PPP2R2B: variants seen among roughly 807,000 people sequenced by gnomAD.
PPP2R2B encodes the protein protein phosphatase 2 regulatory subunit Bbeta, also known as serine/threonine-protein phosphatase 2A 55 kDa regulatory subunit B beta isoform.
A neutral mutation model predicts 46.0 loss-of-function variants in PPP2R2B; 5 were observed. The ratio of observed to expected loss-of-function variants is 0.11; its 90% CI spans 0.06 to 0.23. The LOEUF (loss-of-function observed/expected upper bound fraction) is 0.23. PPP2R2B is among the 10% of genes least tolerant of loss of function. The pLI is 1.00. For missense variants in PPP2R2B, 367 were observed against 575.0 expected (o/e 0.64, Z 3.70); for synonymous variants, 215 against 206.7 (o/e 1.04, Z -0.34).
At chr5:146,655,910 T>A (rs1209532711) in intron 5 of PPP2R2B, among the ~76,000 whole-genome samples, 16 of 84,704 alleles carry the variant, frequency 1.9e-4, no homozygotes, top group South Asian at 6.8e-4. Flanking sequence ...AGGTGGGGGG[T>A]AGGGAGGGGA....
chr5:147,071,365 G>T (rs1486037999), intron 2 of PPP2R2B, among the ~76,000 whole-genome samples: 1 of 152,186 alleles, frequency 6.6e-6, no homozygotes, highest in Non-Finnish European at 1.5e-5. Context: ...TAATTGAGCT[G>T]CTGCTAGAAA....
chr5:146,652,705 A>C (rs1465061948), intron 5 of PPP2R2B, among the ~76,000 whole-genome samples: 1 of 152,160 alleles, frequency 6.6e-6, no homozygotes, highest in Non-Finnish European at 1.5e-5. Flanking sequence ...TTGAGACAGA[A>C]GTAGTGAAGG....
chr5:146,699,227 C>T (rs1385493793), intron 3 of PPP2R2B, among the ~76,000 whole-genome samples: 1 of 152,044 alleles, frequency 6.6e-6, no homozygotes, highest in Admixed American at 6.5e-5. Flanking sequence ...AGTGAGAGTG[C>T]TGAACCCTGG....
chr5:146,957,723 C>T (rs187129942), intron 1 of PPP2R2B, among the ~76,000 whole-genome samples: 64 of 152,222 alleles, frequency 4.2e-4, no homozygotes, highest in Non-Finnish European at 1.2e-4. Flanking sequence ...ACATTTGTTG[C>T]AATAACGTTC....
Position 146,951,451 on chromosome 5 carries a change from C to T in PPP2R2B, c.79+104214G>A, listed in dbSNP as rs56376596. On this transcript the variant is annotated intron_variant, in intron 1 of 8. Transcript: ENST00000336640. ...GTGATTTGCTGCACCTATCAACCCA[C>T]CACCTAAGTATTAAGCCCGGTATGC... 1.4e-3 allele frequency among the ~76,000 whole-genome samples: 212 copies of T among 152,036 alleles called. 2 individuals are homozygous for T. The South Asian group carries it at 0.027, about 19-fold the overall frequency.
intron 5 of PPP2R2B, among the ~76,000 whole-genome samples, chr5:146,682,269 C>G (rs1205548729): frequency 6.6e-6 from 1 of 152,152 alleles, no homozygotes; most frequent in Admixed American, 6.5e-5. Context: ...AATTGCTAGT[C>G]TCTAGATGTA....
intron 1 of PPP2R2B, among the ~76,000 whole-genome samples, chr5:147,001,067 G>A (rs1324216307): frequency 1.3e-5 from 2 of 152,110 alleles, no homozygotes; most frequent in Non-Finnish European, 2.9e-5. Context: ...CTAAAGGTTT[G>A]TAAATTCTCC....
At chr5:147,011,080 A>G (rs956488993) in intron 1 of PPP2R2B, among the ~76,000 whole-genome samples, 4 of 152,014 alleles carry the variant, frequency 2.6e-5, no homozygotes, top group Non-Finnish European at 5.9e-5. Flanking sequence ...TGCCTTTCCG[A>G]CTACTGCCCC....
At chr5:146,698,670 G>A (rs1283371807) in intron 3 of PPP2R2B, among the ~76,000 whole-genome samples, 1 of 151,926 alleles carries the variant, frequency 6.6e-6, no homozygotes, top group Non-Finnish European at 1.5e-5. Flanking sequence ...GGACAAAAGA[G>A]GCTCAGATAT....
chr5:146,814,919 T>A (rs2151325522), intron 2 of PPP2R2B, among the ~76,000 whole-genome samples: 1 of 152,334 alleles, frequency 6.6e-6, no homozygotes, highest in South Asian at 2.1e-4. Context: ...GGTCTCTCCT[T>A]CTGTCTTATG....
rs563785885 is a variant in PPP2R2B, at chr5:146,905,406, T to G, written c.79+150259A>C. ...TTGTCTTAAGTTTGAAATTTTTAAATTTTTAAATTTTTATAATAGAGATGG... is the reference window on the plus strand; with the variant it reads ...TTGTCTTAAGTTTGAAATTTTTAAAGTTTTAAATTTTTATAATAGAGATGG... On this transcript the variant is annotated intron_variant, in intron 1 of 8. Coordinates refer to the PPP2R2B transcript ENST00000336640. 3.9e-5 allele frequency among the ~76,000 whole-genome samples: 6 copies of G among 152,200 alleles called. No individual in the cohort carries two copies. In the East Asian group the frequency reaches 9.6e-4, roughly 24 times the overall value.
intron 2 of PPP2R2B, among the ~76,000 whole-genome samples, chr5:146,710,594 A>T (rs1484157967): frequency 6.6e-6 from 1 of 152,262 alleles, no homozygotes; most frequent in African/African-American, 2.4e-5. Flanking sequence ...ACTTGCCTAC[A>T]TGCCTGTGTG....
chr5:146,990,652 G>C (rs940791957), intron 1 of PPP2R2B, among the ~76,000 whole-genome samples: 4 of 152,064 alleles, frequency 2.6e-5, no homozygotes, highest in Admixed American at 6.6e-5. Context: ...TGAAATTGGA[G>C]TAGGCAAAGA....
intron 2 of PPP2R2B, among the ~76,000 whole-genome samples, chr5:146,837,638 C>T (rs554776627): frequency 3.3e-5 from 5 of 152,138 alleles, no homozygotes; most frequent in Non-Finnish European, 5.9e-5. Flanking sequence ...CTCAAGATAT[C>T]GAAAATACCA....
At chr5:146,857,773 C>T (rs1453696579) in intron 2 of PPP2R2B, among the ~76,000 whole-genome samples, 2 of 151,930 alleles carry the variant, frequency 1.3e-5, no homozygotes, top group Non-Finnish European at 2.9e-5. Flanking sequence ...TTGCAACCTC[C>T]GCCTCCCAGG....
At chr5:146,859,314 T>C (rs1760849304) in intron 2 of PPP2R2B, among the ~76,000 whole-genome samples, 3 of 152,234 alleles carry the variant, frequency 2.0e-5, no homozygotes, top group African/African-American at 7.2e-5. Context: ...ATGACATTAC[T>C]ATTTTACATA....
At chr5:146,641,311 C>G (rs1293068034) in intron 6 of PPP2R2B, among the ~76,000 whole-genome samples, 2 of 152,096 alleles carry the variant, frequency 1.3e-5, no homozygotes, top group Non-Finnish European at 2.9e-5. Context: ...TCTCACCATG[C>G]CACTCTGCCT....
At chr5:146,651,353 T>G (rs1775944521) in intron 5 of PPP2R2B, among the ~76,000 whole-genome samples, 1 of 152,220 alleles carries the variant, frequency 6.6e-6, no homozygotes, top group South Asian at 2.1e-4. Flanking sequence ...GTGTCCACTT[T>G]TACATGCAAA....
intron 1 of PPP2R2B, among the ~76,000 whole-genome samples, chr5:147,044,253 A>G (rs1056052471): frequency 9.9e-5 from 15 of 152,076 alleles, no homozygotes; most frequent in Non-Finnish European, 1.6e-4. Flanking sequence ...TTTCAGTGCA[A>G]TTTAAAGACT....
Sources: gnomAD v4.1 joint callset for allele counts (sites outside exome capture counted in the v4.1 genomes callset) on GRCh38, gnomAD v4.1.1 for gene constraint, MANE v1.5 for transcripts, NCBI Gene and HGNC (gene_info 2026-07-23, HGNC 2026-07-21) for gene names.